The following GABRR1 variants were observed in gnomAD, a reference collection of about 807,000 sequenced individuals.
GABRR1 encodes gamma-aminobutyric acid type A receptor subunit rho1.
A neutral mutation model predicts 55.5 loss-of-function variants in GABRR1; 59 were observed. That is an observed-to-expected ratio of 1.06 (90% CI 0.86 to 1.32). GABRR1 has a LOEUF of 1.32. Among genes scored for constraint, GABRR1 ranks in the 40% most tolerant of loss-of-function variants. GABRR1 has a pLI of 0.00. For missense variants in GABRR1, 602 were observed against 619.1 expected, an observed-to-expected ratio of 0.97 and a Z score of 0.29; for synonymous variants, 213 against 226.0, an observed-to-expected ratio of 0.94 and a Z score of 0.51.
intron 9 of GABRR1, among the ~76,000 whole-genome samples, chr6:89,179,343 C>G (rs1056127805): frequency 6.6e-6 from 1 of 152,074 alleles, no homozygotes. Flanking sequence ...CCTCAGCCTC[C>G]CAAGTAGCTA....
Position 89,185,408 on chromosome 6 carries a change from C to A in GABRR1, c.698G>T (p.Gly233Val), listed in dbSNP as rs774412746. Residue 233 changes from glycine (G) to valine (V), a missense_variant, in exon 7 of 10, where the codon GGC becomes GTC. By Grantham distance (109) the Gly-to-Val change is moderately radical. Coordinates refer to ENST00000454853, the MANE Select transcript of GABRR1 (RefSeq NM_002042.5). ...EDDLMLYWKK[G>V]NDSLKTDERI... Reference sequence around the variant, plus strand: ...TTCATCTGTCTTTAAGGAGTCATTGCCCTTTTTCCAGTACAGCATGAGGTC... The same window carrying A: ...TTCATCTGTCTTTAAGGAGTCATTGACCTTTTTCCAGTACAGCATGAGGTC... 39 of 1,613,496 alleles carry A rather than the reference C, an allele frequency of 2.4e-5. 1 individual carries two copies. The South Asian group carries it at 4.1e-4, about 17-fold the overall frequency.
chr6:89,188,443 T>C (rs1771981557), intron 6 of GABRR1, among the ~76,000 whole-genome samples: 1 of 152,262 alleles, frequency 6.6e-6, no homozygotes, highest in Admixed American at 6.5e-5. Flanking sequence ...TTCTGTTTTG[T>C]TGACAGTATT....
intron 7 of GABRR1, among the ~76,000 whole-genome samples, chr6:89,183,790 C>G (rs1277031838): frequency 6.6e-6 from 1 of 152,034 alleles, no homozygotes; most frequent in Admixed American, 6.5e-5. Context: ...CATGTTCTCA[C>G]TTATAAGTGG....
intron 1 of GABRR1, among the ~76,000 whole-genome samples, chr6:89,223,767 G>GTT (rs35485745): frequency 8.9e-5 from 12 of 135,342 alleles, no homozygotes; most frequent in East Asian, 4.2e-4. Context: ...TGCATTGTGG[G>GTT]TTTTTTTTTT....
At chr6:89,188,119 G>A (rs976329037) in intron 6 of GABRR1, among the ~76,000 whole-genome samples, 1 of 151,942 alleles carries the variant, frequency 6.6e-6, no homozygotes, top group Non-Finnish European at 1.5e-5. Context: ...AGGCTCTTGG[G>A]CTCAAGTGAT....
chr6:89,198,141 T>C lies in GABRR1; in HGVS notation c.451A>G (p.Lys151Glu). The change falls in exon 5 of 10, where the codon AAG becomes GAG. Residue 151 changes from lysine to glutamate, a missense_variant. By Grantham distance (56) the Lys-to-Glu change is moderately conservative. Transcript: ENST00000454853. ...AACATGTCAGGGACCCAGATCTTCTTGACCAGCCGGCCGTCAAACGTCATG... is the reference window on the plus strand; with the variant it reads ...AACATGTCAGGGACCCAGATCTTCTCGACCAGCCGGCCGTCAAACGTCATG... ...LSMTFDGRLV[K>E]KIWVPDMFFV... 6.2e-7 allele frequency: 1 copy of C among 1,614,100 alleles called. No individual in the cohort carries two copies.
chr6:89,177,915 T>C lies in GABRR1; in HGVS notation c.*855A>G, dbSNP rs896037316. 5.9e-5 allele frequency: 9 copies of C among 152,222 alleles called. No individual in the cohort carries two copies. Among genetic ancestry groups the C allele is most frequent in the Non-Finnish European group, 1.0e-4 (7 of 68,038 alleles). 9.4% of individuals were successfully genotyped at this position (152,222 alleles called of 1,614,324 possible). A position where few individuals can be genotyped will look rare whatever the true frequency, so the allele number is the denominator to read the frequency against. ...TGAAGTGTTTATGCAGAAGAAATCATTCTCTACCCAAGTTCCTCAGTGAAG... is the reference window on the plus strand; with the variant it reads ...TGAAGTGTTTATGCAGAAGAAATCACTCTCTACCCAAGTTCCTCAGTGAAG... On this transcript the variant is annotated 3_prime_UTR_variant, in exon 10 of 10. Transcript: ENST00000454853.
chr6:89,198,356 A>G, intron 4 of GABRR1, 113 bp from the exon 5 acceptor site: 2 of 792,404 alleles, frequency 2.5e-6, no homozygotes, highest in African/African-American at 1.8e-5. Flanking sequence ...CCGAACCAAG[A>G]GAGGTTTTGC....
chr6:89,224,937 C>G (rs1230222448), intron 1 of GABRR1, among the ~76,000 whole-genome samples: 1 of 152,168 alleles, frequency 6.6e-6, no homozygotes, highest in East Asian at 1.9e-4. Flanking sequence ...CACCCAACAC[C>G]ACACCCAGCT....
At chr6:89,204,092 A>G (rs1772567521) in intron 1 of GABRR1, among the ~76,000 whole-genome samples, 2 of 152,212 alleles carry the variant, frequency 1.3e-5, no homozygotes, top group Admixed American at 6.5e-5. Context: ...GTCGAGGGGT[A>G]GTCCTGGCTT....
At chr6:89,224,344 G>A (rs1051663819) in intron 1 of GABRR1, among the ~76,000 whole-genome samples, 2 of 152,064 alleles carry the variant, frequency 1.3e-5, no homozygotes, top group African/African-American at 4.8e-5. Context: ...TGCCTGCCTT[G>A]GCCTCCCAAA....
chr6:89,195,885 A>G (rs1322383405), intron 5 of GABRR1, among the ~76,000 whole-genome samples: 1 of 152,244 alleles, frequency 6.6e-6, no homozygotes, highest in Non-Finnish European at 1.5e-5. Context: ...TTTATACTAC[A>G]GAAATCAGCA....
chr6:89,224,052 C>T (rs12195661), intron 1 of GABRR1, among the ~76,000 whole-genome samples: 5,771 of 151,562 alleles, frequency 0.038, 147 homozygotes, highest in African/African-American at 0.073. Context: ...TGAGCCACCA[C>T]GCCTGGCCGC....
intron 1 of GABRR1, 129 bp downstream of exon 1, chr6:89,217,072 A>G: frequency 2.2e-6 from 2 of 899,426 alleles, no homozygotes; most frequent in Non-Finnish European, 3.3e-6. Flanking sequence ...AACAAAGGGA[A>G]GGGGAAGAAA....
intron 2 of GABRR1, among the ~76,000 whole-genome samples, chr6:89,202,348 G>A (rs546963200): frequency 1.3e-5 from 2 of 152,226 alleles, no homozygotes; most frequent in South Asian, 4.1e-4. Flanking sequence ...CTGGAGTGCA[G>A]TGGTGTGATC....
chr6:89,181,244 G>A (rs1241661687), intron 8 of GABRR1, among the ~76,000 whole-genome samples: 1 of 152,140 alleles, frequency 6.6e-6, no homozygotes, highest in Non-Finnish European at 1.5e-5. Flanking sequence ...GTCATCTTAA[G>A]GGCCAGCTCC....
At chr6:89,202,669 A>G (rs924100024) in intron 2 of GABRR1, among the ~76,000 whole-genome samples, 9 of 151,838 alleles carry the variant, frequency 5.9e-5, no homozygotes, top group Non-Finnish European at 1.2e-4. Context: ...ATATATTCTT[A>G]GTTATCCCCT....
intron 5 of GABRR1, among the ~76,000 whole-genome samples, chr6:89,195,509 G>C (rs1007774200): frequency 3.3e-5 from 5 of 150,932 alleles, no homozygotes; most frequent in Non-Finnish European, 4.4e-5. Flanking sequence ...CTTCCCAATG[G>C]AAACCATGCC....
intron 5 of GABRR1, among the ~76,000 whole-genome samples, chr6:89,197,344 T>C (rs1772329216): frequency 6.6e-6 from 1 of 152,196 alleles, no homozygotes; most frequent in African/African-American, 2.4e-5. Context: ...ACCACATCCC[T>C]TCTCTGTGAA....
Sources: gnomAD v4.1 joint callset for allele counts (sites outside exome capture counted in the v4.1 genomes callset) on GRCh38, gnomAD v4.1.1 for gene constraint, MANE v1.5 for transcripts, NCBI Gene and HGNC (gene_info 2026-07-23, HGNC 2026-07-21) for gene names.